Variants in CYB5A observed in about 807,000 individuals in gnomAD.
CYB5A encodes cytochrome b5 type A.
A neutral mutation model predicts 16.2 loss-of-function variants in CYB5A; 10 were observed. The ratio of observed to expected loss-of-function variants is 0.62; its 90% CI spans 0.38 to 1.04. CYB5A has a LOEUF of 1.04. CYB5A is among the 50% of genes least tolerant of loss of function. CYB5A has a pLI of 0.01. For synonymous variants in CYB5A, 62 were observed against 57.0 expected, an observed-to-expected ratio of 1.09 and a Z score of -0.40; for missense variants, 161 against 165.9, an observed-to-expected ratio of 0.97 and a Z score of 0.16.
At chr18:74,257,174 T>G in intron 3 of CYB5A, 2 of 356,566 alleles carry the variant, frequency 5.6e-6, no homozygotes, top group South Asian at 6.2e-5. Flanking sequence ...CACGGCGTCG[T>G]TAAAATGAGG....
chr18:74,276,527 A>AGC (rs1410735643), intron 1 of CYB5A, among the ~76,000 whole-genome samples: 1 of 64,738 alleles, frequency 1.5e-5, no homozygotes, highest in Non-Finnish European at 3.4e-5. Flanking sequence ...CAAAAGATTC[A>AGC]GCACACACAC....
rs143611189 is a variant in CYB5A, at chr18:74,253,547, A to C, written c.*37T>G. ...AATGGCTTCTTTTCTCCCGTGTCCA[A>C]AGCAGGCTCTTCCTGCGCTGACTTC... On this transcript the variant is annotated 3_prime_UTR_variant, in exon 5 of 5. Transcript: ENST00000340533. The C allele has an allele frequency of 1.3e-4, 188 of 1,412,882 alleles. 1 individual carries two copies. The highest frequency in any genetic ancestry group is 4.6e-4 in the East Asian group (20 of 43,772). 87.5% of individuals were successfully genotyped at this position (1,412,882 alleles called of 1,614,324 possible).
At chr18:74,274,296 C>T (rs1412497935) in intron 1 of CYB5A, among the ~76,000 whole-genome samples, 3 of 151,912 alleles carry the variant, frequency 2.0e-5, no homozygotes, top group African/African-American at 4.8e-5. Flanking sequence ...TAGAATGAGG[C>T]CAAAGAGAAA....
At position 74,253,366 on chromosome 18, in the gene CYB5A, C is replaced by A; in HGVS notation, c.*218G>T. 2.1e-6 allele frequency: 1 copy of A among 465,912 alleles called. No homozygotes were observed. Among genetic ancestry groups the A allele is most frequent in the South Asian group, 2.1e-5 (1 of 47,702 alleles). 28.9% of individuals were successfully genotyped at this position (465,912 alleles called of 1,614,324 possible). On this transcript the variant is annotated 3_prime_UTR_variant, in exon 5 of 5. Transcript: ENST00000340533. ...AGTAAATTACACATTAAGGAAACAT[C>A]AAAATAAAGTAGATGAATAAAAAGG...
At chr18:74,286,050 C>T (rs1209815858) in intron 1 of CYB5A, among the ~76,000 whole-genome samples, 5 of 152,086 alleles carry the variant, frequency 3.3e-5, no homozygotes, top group Non-Finnish European at 7.4e-5. Flanking sequence ...CCCTCAACAC[C>T]TAGTTTAGTG....
chr18:74,291,210 C>G (rs146058821), intron 1 of CYB5A, among the ~76,000 whole-genome samples: 1 of 152,218 alleles, frequency 6.6e-6, no homozygotes, highest in Non-Finnish European at 1.5e-5. Context: ...GCGGGAATGC[C>G]GCCGGTCCTG....
chr18:74,289,249 GT>G (rs1239373148), intron 1 of CYB5A, among the ~76,000 whole-genome samples: 2 of 152,132 alleles, frequency 1.3e-5, no homozygotes, highest in Non-Finnish European at 2.9e-5. Flanking sequence ...TCATCTCTCA[GT>G]TTTTCTCGGA....
rs1981755295 is a variant in CYB5A at position 74,250,881 on chromosome 18, G to C, written c.*2703C>G. ...AAACAACTTTATTAAGAAAGTCAAG[G>C]AATAGGCCCGGCACAGTGGCTCATG... On this transcript the variant is annotated 3_prime_UTR_variant, in exon 5 of 5. Transcript: ENST00000340533. The C allele has an allele frequency of 6.6e-6, 1 of 152,178 alleles. No homozygotes were observed. Among genetic ancestry groups the C allele is most frequent in the Admixed American group, 6.5e-5 (1 of 15,276 alleles). 9.4% of individuals were successfully genotyped at this position (152,178 alleles called of 1,614,324 possible). A position where few individuals can be genotyped will look rare whatever the true frequency, so the allele number is the denominator to read the frequency against.
At chr18:74,269,627 G>A (rs1982592808) in intron 1 of CYB5A, among the ~76,000 whole-genome samples, 1 of 152,128 alleles carries the variant, frequency 6.6e-6, no homozygotes, top group South Asian at 2.1e-4. Context: ...TCATTCATGG[G>A]AAATGCTGCC....
chr18:74,266,837 T>TTA (rs1555688993), intron 1 of CYB5A, among the ~76,000 whole-genome samples: 1 of 73,456 alleles, frequency 1.4e-5, no homozygotes, highest in Non-Finnish European at 3.0e-5. Flanking sequence ...TTTAAAAAAC[T>TTA]AAAAAAAAAA....
intron 1 of CYB5A, among the ~76,000 whole-genome samples, chr18:74,268,103 C>T (rs970891449): frequency 3.0e-4 from 46 of 152,370 alleles, no homozygotes; most frequent in African/African-American, 1.1e-3. Flanking sequence ...CACGTGGCAG[C>T]CACAGTCGGA....
chr18:74,291,612 C>G, intron 1 of CYB5A, 135 bp downstream of exon 1: 1 of 1,340,132 alleles, frequency 7.5e-7, no homozygotes. Context: ...GGCGTACACG[C>G]GCAGGTGAGC....
intron 2 of CYB5A, among the ~76,000 whole-genome samples, chr18:74,261,951 C>T (rs930437925): frequency 2.6e-5 from 4 of 152,166 alleles, no homozygotes; most frequent in Non-Finnish European, 5.9e-5. Flanking sequence ...GAAGGCAGGA[C>T]GGAGCCAGGC....
chr18:74,254,812 G>C (rs546741115), intron 4 of CYB5A, among the ~76,000 whole-genome samples: 78 of 152,222 alleles, frequency 5.1e-4, no homozygotes, highest in Admixed American at 1.6e-3. Context: ...GAGCCACCGC[G>C]CCTGGCCTCT....
chr18:74,255,451 A>T (rs1364796610), intron 4 of CYB5A, among the ~76,000 whole-genome samples: 1 of 152,224 alleles, frequency 6.6e-6, no homozygotes, highest in Non-Finnish European at 1.5e-5. Context: ...GTGCTGTGGG[A>T]CTGGCCGCCT....
intron 1 of CYB5A, among the ~76,000 whole-genome samples, chr18:74,268,285 C>T (rs1982528390): frequency 6.6e-6 from 1 of 152,124 alleles, no homozygotes; most frequent in Non-Finnish European, 1.5e-5. Context: ...CAGGACGGGC[C>T]CTGCTGAGCT....
chr18:74,277,412 G>A (rs1408632741), intron 1 of CYB5A, among the ~76,000 whole-genome samples: 2 of 152,190 alleles, frequency 1.3e-5, no homozygotes, highest in Non-Finnish European at 2.9e-5. Flanking sequence ...TCACCTAGAA[G>A]GTCATGGCAT....
chr18:74,291,912 C>A lies in CYB5A; in HGVS notation c.-37G>T. The A allele has an allele frequency of 6.2e-7, 1 of 1,607,360 alleles. No homozygotes were observed. ...GCGAGCCAGGCCCAGCACACACAGC[C>A]CCGTCGGGTGGAGCAGAGCGCGCGA... On this transcript the variant is annotated 5_prime_UTR_variant, in exon 1 of 5. Transcript: ENST00000340533.
intron 3 of CYB5A, chr18:74,256,631 G>A (rs906324908): frequency 2.9e-5 from 17 of 584,572 alleles, no homozygotes; most frequent in South Asian, 9.6e-5. Context: ...TAAGCATTAG[G>A]GCCTCAAACA....
Sources: gnomAD v4.1 joint callset for allele counts (sites outside exome capture counted in the v4.1 genomes callset) on GRCh38, gnomAD v4.1.1 for gene constraint, MANE v1.5 for transcripts, NCBI Gene and HGNC (gene_info 2026-07-23, HGNC 2026-07-21) for gene names.